The following CADM2 variants were observed in gnomAD, a reference collection of about 807,000 sequenced individuals.
The protein encoded by CADM2 is cell adhesion molecule 2.
A neutral mutation model predicts 49.8 loss-of-function variants in CADM2; 12 were observed. That is an observed-to-expected ratio of 0.24 (90% CI 0.15 to 0.39). CADM2 has a LOEUF of 0.39. Ranked by LOEUF, CADM2 falls within the 10% of genes least tolerant of loss-of-function variation. The pLI, the probability that CADM2 is intolerant of heterozygous loss-of-function variation, is 1.00. For missense variants in CADM2, 378 were observed against 492.3 expected, an observed-to-expected ratio of 0.77 and a Z score of 2.20; for synonymous variants, 214 against 175.4, an observed-to-expected ratio of 1.22 and a Z score of -1.74.
chr3:85,461,173 T>A (rs566631375), intron 1 of CADM2, among the ~76,000 whole-genome samples: 1 of 152,226 alleles, frequency 6.6e-6, no homozygotes, highest in East Asian at 1.9e-4. Flanking sequence ...TCGCATGAGA[T>A]GTACACACTT....
chr3:84,986,144 A>C (rs147763611), intron 1 of CADM2, among the ~76,000 whole-genome samples: 38 of 152,372 alleles, frequency 2.5e-4, no homozygotes, highest in African/African-American at 8.9e-4. Context: ...TAAATAACTT[A>C]TCAAGCAACA....
At chr3:85,014,250 T>C (rs1249029145) in intron 1 of CADM2, among the ~76,000 whole-genome samples, 3 of 150,558 alleles carry the variant, frequency 2.0e-5, no homozygotes, top group Non-Finnish European at 4.4e-5. Flanking sequence ...TATTGTATAT[T>C]ATATATACGC....
At chr3:85,281,930 T>C (rs1478196746) in intron 1 of CADM2, among the ~76,000 whole-genome samples, 1 of 152,096 alleles carries the variant, frequency 6.6e-6, no homozygotes, top group Non-Finnish European at 1.5e-5. Flanking sequence ...TTAAATGGTT[T>C]GTCATTGTGT....
intron 8 of CADM2, among the ~76,000 whole-genome samples, chr3:86,061,986 TG>T (rs11456162): frequency 0.044 from 5,853 of 133,014 alleles, 352 homozygotes; most frequent in African/African-American, 0.15. Context: ...CTGTTGATGG[TG>T]GGGGGGGGGT....
chr3:85,115,465 C>T (rs2038606966), intron 1 of CADM2, among the ~76,000 whole-genome samples: 1 of 152,146 alleles, frequency 6.6e-6, no homozygotes, highest in African/African-American at 2.4e-5. Context: ...TTCTGCTTCT[C>T]ACTATCTGTC....
rs530984413 is a variant in CADM2, at chr3:85,174,252, T to C, written c.61+214584T>C. On this transcript the variant is annotated intron_variant, in intron 1 of 9. Transcript: ENST00000383699. Reference sequence around the variant, plus strand: ...AATCCTTCTTTCACATAATAAGATTTCAAATATTTGAGGAAAGCTGTTGTG... The same window carrying C: ...AATCCTTCTTTCACATAATAAGATTCCAAATATTTGAGGAAAGCTGTTGTG... Among the ~76,000 whole-genome samples the C allele has an allele frequency of 1.6e-3, 239 of 152,286 alleles. 2 individuals carry two copies. The highest frequency in any genetic ancestry group is 5.3e-3 in the African/African-American group (221 of 41,564).
chr3:85,205,281 C>T (rs1164308477), intron 1 of CADM2, among the ~76,000 whole-genome samples: 2 of 152,148 alleles, frequency 1.3e-5, no homozygotes, highest in Non-Finnish European at 1.5e-5. Context: ...CTTCAGCCTC[C>T]CAAAGTGCTG....
intron 1 of CADM2, among the ~76,000 whole-genome samples, chr3:85,615,397 G>A (rs1304906173): frequency 3.3e-5 from 5 of 151,876 alleles, no homozygotes. Flanking sequence ...CCATATTGTG[G>A]AATTTCAGTG....
intron 1 of CADM2, among the ~76,000 whole-genome samples, chr3:84,968,648 T>C (rs1290785418): frequency 5.3e-5 from 8 of 152,178 alleles, no homozygotes; most frequent in Non-Finnish European, 1.0e-4. Context: ...CAGATACTGC[T>C]CTAGGATTGA....
intron 1 of CADM2, among the ~76,000 whole-genome samples, chr3:85,463,153 G>A (rs907271520): frequency 6.6e-6 from 1 of 152,270 alleles, no homozygotes; most frequent in Admixed American, 6.5e-5. Context: ...CAGCAGAACT[G>A]GATATTAGAG....
chr3:85,557,335 A>G (rs965951331), intron 1 of CADM2, among the ~76,000 whole-genome samples: 2 of 152,020 alleles, frequency 1.3e-5, no homozygotes, highest in African/African-American at 4.8e-5. Flanking sequence ...TAGAGAAATT[A>G]GAGAACAAAG....
chr3:86,050,837 A>G (rs944362876), intron 8 of CADM2, among the ~76,000 whole-genome samples: 2 of 152,212 alleles, frequency 1.3e-5, no homozygotes, highest in African/African-American at 4.8e-5. Context: ...GACCTGGCCC[A>G]GAGACCTAGG....
intron 1 of CADM2, among the ~76,000 whole-genome samples, chr3:85,588,303 C>T (rs556442935): frequency 6.6e-5 from 10 of 151,984 alleles, no homozygotes; most frequent in African/African-American, 1.9e-4. Flanking sequence ...TAGAGATGTA[C>T]GGTGGCTTGT....
At chr3:85,042,534 A>G (rs748797633) in intron 1 of CADM2, among the ~76,000 whole-genome samples, 6 of 152,136 alleles carry the variant, frequency 3.9e-5, no homozygotes, top group Non-Finnish European at 7.3e-5. Context: ...GCTCTGCAAT[A>G]AATGACTAAG....
At chr3:85,084,967 A>G (rs2037314659) in intron 1 of CADM2, among the ~76,000 whole-genome samples, 1 of 152,166 alleles carries the variant, frequency 6.6e-6, no homozygotes. Flanking sequence ...AATTATATAC[A>G]GTTATGTTAG....
chr3:85,953,146 T>C (rs1316357002), intron 7 of CADM2, among the ~76,000 whole-genome samples: 1 of 150,930 alleles, frequency 6.6e-6, no homozygotes, highest in African/African-American at 2.4e-5. Context: ...TCATCAGTTT[T>C]CTGGTGTTAA....
At chr3:85,756,549 G>A (rs1419630184) in intron 2 of CADM2, among the ~76,000 whole-genome samples, 1 of 152,096 alleles carries the variant, frequency 6.6e-6, no homozygotes, top group Non-Finnish European at 1.5e-5. Context: ...AGATCATGTA[G>A]TAACTGCTTG....
At chr3:85,803,533 A>ATAGATAGG (rs1206517419) in intron 3 of CADM2, among the ~76,000 whole-genome samples, 2 of 152,098 alleles carry the variant, frequency 1.3e-5, no homozygotes, top group Non-Finnish European at 2.9e-5. Context: ...AGATAGATAG[A>ATAGATAGG]TCAATTGATC....
At chr3:85,477,303 T>C (rs1014469599) in intron 1 of CADM2, among the ~76,000 whole-genome samples, 2 of 150,058 alleles carry the variant, frequency 1.3e-5, no homozygotes, top group Non-Finnish European at 3.0e-5. Flanking sequence ...TTATAGAAAA[T>C]CTTCTATTAA....
Sources: allele counts gnomAD v4.1 joint callset (sites outside exome capture counted in the v4.1 genomes callset), GRCh38; gene constraint gnomAD v4.1.1; transcripts MANE v1.5; gene names NCBI Gene and HGNC (gene_info 2026-07-23, HGNC 2026-07-21).